Variants in EBF1 observed in about 807,000 individuals in gnomAD.
EBF1 encodes the protein EBF transcription factor 1, also known as transcription factor COE1.
Under a neutral mutation model 68.4 loss-of-function variants are expected in EBF1, and 10 were observed. That is an observed-to-expected ratio of 0.15 (90% confidence interval 0.09 to 0.25). The LOEUF is 0.25. EBF1 is among the 10% of genes least tolerant of loss of function. EBF1 has a pLI of 1.00. For missense variants in EBF1, 509 were observed against 794.4 expected (o/e 0.64, Z 4.32); for synonymous variants, 298 against 299.8 (o/e 0.99, Z 0.06).
At position 158,745,941 on chromosome 5, in the gene EBF1, A is replaced by G. The variant is rs545822742; in HGVS notation, c.1037-14784T>C. Among the ~76,000 whole-genome samples, 8 of 152,274 alleles carry G rather than the reference A, an allele frequency of 5.3e-5. No individual in the cohort carries two copies. In the South Asian group the frequency reaches 1.7e-3, roughly 32 times the overall value. On this transcript the variant is annotated intron_variant, in intron 10 of 15. Transcript: ENST00000313708. ...GAGGCTTTCCTAATTCCCATGGAAT[A>G]ATGTGGGTGAGTGTAGGGAGTGAAA...
At chr5:158,970,140 A>G (rs982230890) in intron 6 of EBF1, among the ~76,000 whole-genome samples, 17 of 152,176 alleles carry the variant, frequency 1.1e-4, no homozygotes, top group African/African-American at 4.1e-4. Flanking sequence ...CTTATAAAAT[A>G]TTTTATCTGC....
Position 158,720,043 on chromosome 5 carries a change from T to C in EBF1, c.1126-5861A>G, listed in dbSNP as rs1761602164. Among the ~76,000 whole-genome samples the C allele has an allele frequency of 2.0e-5, 3 of 152,310 alleles. No homozygotes were observed. The South Asian group carries it at 6.2e-4, about 32-fold the overall frequency. On this transcript the variant is annotated intron_variant, in intron 11 of 15. Coordinates refer to ENST00000313708, the MANE Select transcript of EBF1 (RefSeq NM_024007.5). ...ATACCCATTTATCACCAATCTACTT[T>C]GCTTTATCAGGGGATTCAAAATATA...
At chr5:158,865,441 T>C (rs1795710388) in intron 6 of EBF1, among the ~76,000 whole-genome samples, 2 of 152,204 alleles carry the variant, frequency 1.3e-5, no homozygotes, top group South Asian at 2.1e-4. Flanking sequence ...TGAAGGATTA[T>C]TGTGAGAAAT....
At chr5:158,963,557 G>T (rs1283167165) in intron 6 of EBF1, among the ~76,000 whole-genome samples, 1 of 152,138 alleles carries the variant, frequency 6.6e-6, no homozygotes, top group Non-Finnish European at 1.5e-5. Flanking sequence ...ATATCACAAA[G>T]CATGCAATGT....
chr5:158,710,558 A>G (rs1010562607), intron 14 of EBF1, among the ~76,000 whole-genome samples: 2 of 152,238 alleles, frequency 1.3e-5, no homozygotes, highest in African/African-American at 2.4e-5. Flanking sequence ...GTAGACAGAC[A>G]TAATATATGC....
At chr5:158,719,267 T>G (rs1726191029) in intron 11 of EBF1, among the ~76,000 whole-genome samples, 1 of 152,166 alleles carries the variant, frequency 6.6e-6, no homozygotes, top group South Asian at 2.1e-4. Flanking sequence ...TTGTGATTAA[T>G]ACAATGAATC....
At chr5:159,061,256 C>A (rs1480704037) in intron 6 of EBF1, among the ~76,000 whole-genome samples, 1 of 152,054 alleles carries the variant, frequency 6.6e-6, no homozygotes, top group Non-Finnish European at 1.5e-5. Flanking sequence ...TACAAAGTGG[C>A]TCCCCATTAA....
At chr5:158,915,238 T>A (rs959998642) in intron 6 of EBF1, among the ~76,000 whole-genome samples, 4 of 152,198 alleles carry the variant, frequency 2.6e-5, no homozygotes, top group African/African-American at 9.6e-5. Context: ...GCCACCGGGA[T>A]GATGATCTTT....
At chr5:158,835,438 T>A (rs1031818590) in intron 7 of EBF1, among the ~76,000 whole-genome samples, 1 of 152,212 alleles carries the variant, frequency 6.6e-6, no homozygotes, top group Admixed American at 6.5e-5. Flanking sequence ...TGGAAAAATG[T>A]TCATGTTTCC....
intron 10 of EBF1, among the ~76,000 whole-genome samples, chr5:158,762,100 C>T (rs1385160812): frequency 6.6e-6 from 1 of 152,136 alleles, no homozygotes; most frequent in Admixed American, 6.6e-5. Flanking sequence ...TATACCTCAA[C>T]CCCCATTTAC....
intron 9 of EBF1, among the ~76,000 whole-genome samples, chr5:158,782,924 C>T (rs1184317604): frequency 6.6e-6 from 1 of 151,038 alleles, no homozygotes. Flanking sequence ...ACTCAGATCT[C>T]AATATGAGCT....
At chr5:158,714,672 T>C (rs1233549238) in intron 11 of EBF1, among the ~76,000 whole-genome samples, 3 of 152,168 alleles carry the variant, frequency 2.0e-5, no homozygotes, top group Non-Finnish European at 1.5e-5. Context: ...TCTTGGATGG[T>C]AGAGACATAA....
chr5:158,811,018 T>C (rs1352992132), intron 8 of EBF1, among the ~76,000 whole-genome samples: 2 of 152,124 alleles, frequency 1.3e-5, no homozygotes, highest in African/African-American at 4.8e-5. Context: ...GTAAATCTCT[T>C]TTTTTTGAGG....
chr5:158,943,729 G>A (rs1217942532), intron 6 of EBF1, among the ~76,000 whole-genome samples: 1 of 152,162 alleles, frequency 6.6e-6, no homozygotes, highest in South Asian at 2.1e-4. Flanking sequence ...AATCTCAACT[G>A]AAATGGGAAA....
intron 6 of EBF1, among the ~76,000 whole-genome samples, chr5:159,017,855 A>T (rs1457397492): frequency 6.6e-6 from 1 of 152,232 alleles, no homozygotes; most frequent in Non-Finnish European, 1.5e-5. Context: ...ACACCTTGTT[A>T]TTCAAATGCA....
At chr5:159,045,211 T>C (rs898340748) in intron 6 of EBF1, among the ~76,000 whole-genome samples, 6 of 152,180 alleles carry the variant, frequency 3.9e-5, no homozygotes, top group African/African-American at 1.4e-4. Context: ...TTTCTTCTTT[T>C]TTTAATGTTT....
chr5:158,704,106 G>T (rs6877798), intron 15 of EBF1, among the ~76,000 whole-genome samples: 13,635 of 152,212 alleles, frequency 0.09, 1,755 homozygotes, highest in African/African-American at 0.28. Context: ...TGTAAATGGG[G>T]ACAAGCCACC....
chr5:158,890,671 C>T (rs1003526749), intron 6 of EBF1, among the ~76,000 whole-genome samples: 1 of 152,122 alleles, frequency 6.6e-6, no homozygotes, highest in African/African-American at 2.4e-5. Context: ...GTTTTTGGTC[C>T]TTCCCCGAAG....
intron 6 of EBF1, among the ~76,000 whole-genome samples, chr5:158,921,475 T>G (rs1008000739): frequency 6.6e-6 from 1 of 152,206 alleles, no homozygotes; most frequent in Non-Finnish European, 1.5e-5. Flanking sequence ...TTTTGGCATT[T>G]GGAGACAATG....
Sources: allele counts gnomAD v4.1 joint callset (sites outside exome capture counted in the v4.1 genomes callset), GRCh38; gene constraint gnomAD v4.1.1; transcripts MANE v1.5; gene names NCBI Gene and HGNC (gene_info 2026-07-23, HGNC 2026-07-21).